COL14A1: variants seen among roughly 807,000 people sequenced by gnomAD.
COL14A1 encodes the protein collagen type XIV alpha 1 chain.
In COL14A1, 136 loss-of-function variants were observed where a neutral mutation model predicts 230.3. The observed-to-expected ratio is 0.59, with a 90% CI of 0.51 to 0.68. COL14A1 has a LOEUF of 0.68. Ranked by LOEUF, COL14A1 falls within the 30% of genes least tolerant of loss-of-function variation. COL14A1 has a pLI of 0.00. For synonymous variants in COL14A1, 792 were observed against 784.1 expected, an observed-to-expected ratio of 1.01 and a Z score of -0.17; for missense variants, 1,976 against 2,215.8, an observed-to-expected ratio of 0.89 and a Z score of 2.17.
chr8:120,318,678 C>G (rs1821323957), intron 40 of COL14A1, among the ~76,000 whole-genome samples: 1 of 152,086 alleles, frequency 6.6e-6, no homozygotes, highest in Non-Finnish European at 1.5e-5. Context: ...AGAGTAAGCA[C>G]AAACACCTTG....
chr8:120,325,489 G>C (rs956096995), intron 40 of COL14A1, among the ~76,000 whole-genome samples: 4 of 151,674 alleles, frequency 2.6e-5, no homozygotes, highest in African/African-American at 9.7e-5. Flanking sequence ...TTGTTTGTTT[G>C]TTTGTTTGTT....
At chr8:120,255,815 A>G (rs7008903) in intron 23 of COL14A1, among the ~76,000 whole-genome samples, 60,760 of 151,332 alleles carry the variant, frequency 0.4, 12,452 homozygotes, top group Middle Eastern at 0.49. Flanking sequence ...TAATTGGTGA[A>G]CAACAACCCT....
At chr8:120,260,628 A>G (rs888224486) in intron 23 of COL14A1, among the ~76,000 whole-genome samples, 5 of 152,198 alleles carry the variant, frequency 3.3e-5, no homozygotes, top group Non-Finnish European at 5.9e-5. Flanking sequence ...AAGATGATCA[A>G]TCTAGAGGGA....
chr8:120,303,453 G>A (rs1403695860), intron 36 of COL14A1, among the ~76,000 whole-genome samples: 2 of 152,132 alleles, frequency 1.3e-5, no homozygotes. Context: ...CATGAAGGAT[G>A]TTGAATTTTA....
At chr8:120,221,300 A>C (rs1817927081) in intron 14 of COL14A1, among the ~76,000 whole-genome samples, 1 of 152,130 alleles carries the variant, frequency 6.6e-6, no homozygotes. Context: ...TCTCAGAAAC[A>C]GTTTCATAAC....
intron 5 of COL14A1, among the ~76,000 whole-genome samples, chr8:120,171,987 G>T (rs1183296340): frequency 1.3e-5 from 2 of 151,762 alleles, no homozygotes; most frequent in African/African-American, 4.8e-5. Context: ...AAATCTTTTA[G>T]TCCTAGAAAT....
At chr8:120,139,738 A>G (rs1013681882) in intron 1 of COL14A1, among the ~76,000 whole-genome samples, 1 of 152,224 alleles carries the variant, frequency 6.6e-6, no homozygotes, top group Non-Finnish European at 1.5e-5. Context: ...CTTAAAAGGT[A>G]GACATAGCCA....
rs757414633 is a variant in COL14A1, at chr8:120,283,766, G to A, written c.3955G>A (p.Val1319Ile). The change falls in exon 32 of 48, where the codon GTT becomes ATT. Residue 1319 changes from valine (V) to isoleucine (I), a missense_variant. This residue lies in a region of COL14A1 where 1,791 missense variants were observed against 2,019.5 expected (regional missense o/e 0.89). Coordinates refer to ENST00000297848, the MANE Select transcript of COL14A1 (RefSeq NM_021110.4). ...TAAAAATTCTGACCCATTGGTTGGG[G>A]TTATTTTAGACAGTAAGTATATTTA... ...LNKNSDPLVG[V>I]ILDNGGKTLT... is the part of the protein sequence containing the mutation. The A allele has an allele frequency of 2.5e-6, 4 of 1,610,774 alleles. No individual in the cohort carries two copies. Among genetic ancestry groups the A allele is most frequent in the Non-Finnish European group, 8.5e-7 (1 of 1,179,058 alleles).
intron 45 of COL14A1, among the ~76,000 whole-genome samples, chr8:120,363,260 G>C (rs759751650): frequency 6.6e-6 from 1 of 152,182 alleles, no homozygotes; most frequent in Non-Finnish European, 1.5e-5. Flanking sequence ...AAAGGAATGA[G>C]ATCATGTACT....
chr8:120,141,385 A>T (rs989508097), intron 1 of COL14A1, among the ~76,000 whole-genome samples: 13 of 152,050 alleles, frequency 8.5e-5, no homozygotes, highest in African/African-American at 3.1e-4. Flanking sequence ...TCTACAAAAA[A>T]TTTTTAAAAA....
At chr8:120,256,902 G>T (rs1247403579) in intron 23 of COL14A1, among the ~76,000 whole-genome samples, 1 of 152,126 alleles carries the variant, frequency 6.6e-6, no homozygotes, top group African/African-American at 2.4e-5. Context: ...AGGAACGTGG[G>T]TTCCTGTGGA....
chr8:120,369,906 C>T (rs1025702621), intron 47 of COL14A1, among the ~76,000 whole-genome samples: 4 of 152,134 alleles, frequency 2.6e-5, no homozygotes, highest in African/African-American at 7.2e-5. Flanking sequence ...GAACTTCTCC[C>T]GTAATTAAGA....
intron 11 of COL14A1, 108 bp downstream of exon 11, chr8:120,208,469 A>G: frequency 5.1e-6 from 6 of 1,176,018 alleles, no homozygotes; most frequent in Non-Finnish European, 5.9e-6. Context: ...CCTGAATCGA[A>G]TTCAATCAAA....
rs1817698247 is a variant in COL14A1 at position 120,214,727 on chromosome 8, A to T, written c.1598-1624A>T. Among the ~76,000 whole-genome samples, 5 of 152,012 alleles carry T rather than the reference A, an allele frequency of 3.3e-5. No homozygotes were observed. In the South Asian group the frequency reaches 1.0e-3, roughly 32 times the overall value. ...AAACCAAATTATCTAACCCCCTGAG[A>T]TTACAATATCCTGGGGGAGAGAGAC... On this transcript the variant is annotated intron_variant, in intron 13 of 47. Transcript: ENST00000297848.
intron 17 of COL14A1, 30 bp downstream of exon 17, chr8:120,227,382 T>C (rs2130806862): frequency 1.2e-6 from 2 of 1,612,180 alleles, no homozygotes; most frequent in Non-Finnish European, 1.7e-6. Flanking sequence ...CAGTGCGTTT[T>C]AGCTGCTCCC....
chr8:120,172,645 T>C (rs938805112), intron 5 of COL14A1, among the ~76,000 whole-genome samples: 6 of 152,174 alleles, frequency 3.9e-5, no homozygotes, highest in African/African-American at 1.2e-4. Context: ...TGTCTTAAGA[T>C]ACTCAGGGCT....
At chr8:120,275,283 A>G (rs556227850) in intron 26 of COL14A1, among the ~76,000 whole-genome samples, 65 of 151,896 alleles carry the variant, frequency 4.3e-4, no homozygotes, top group African/African-American at 1.4e-3. Context: ...GGAAAACTGG[A>G]TAGCCACATG....
At chr8:120,171,184 T>C (rs948609489) in intron 5 of COL14A1, among the ~76,000 whole-genome samples, 6 of 152,156 alleles carry the variant, frequency 3.9e-5, no homozygotes, top group African/African-American at 1.4e-4. Context: ...TATTTCCCTA[T>C]AATACAGAAT....
At chr8:120,356,727 C>CA (rs879421447) in intron 45 of COL14A1, among the ~76,000 whole-genome samples, 2,626 of 143,434 alleles carry the variant, frequency 0.018, 71 homozygotes, top group African/African-American at 0.059. Flanking sequence ...GACTCTTTCT[C>CA]AAAAAAAAAA....
Sources: gnomAD v4.1 joint callset for allele counts (sites outside exome capture counted in the v4.1 genomes callset) on GRCh38, gnomAD v4.1.1 for gene constraint, gnomAD v4.1.1 regional missense constraint, MANE v1.5 for transcripts, NCBI Gene and HGNC (gene_info 2026-07-23, HGNC 2026-07-21) for gene names.